OTOF: variants seen among roughly 807,000 people sequenced by gnomAD.
OTOF encodes otoferlin.
In OTOF, 218 loss-of-function variants were observed where a neutral mutation model predicts 236.8. The ratio of observed to expected loss-of-function variants is 0.92; its 90% CI spans 0.82 to 1.03. The LOEUF (loss-of-function observed/expected upper bound fraction) is 1.03, where lower values mean the gene tolerates loss of function less well. Among genes scored for constraint, OTOF ranks in the 50% least tolerant of loss-of-function variants. The probability of loss-of-function intolerance (pLI) is 0.00; values close to 1 mark genes in which losing one functional copy is unlikely to be tolerated. For synonymous variants in OTOF, 1,041 were observed against 1,072.5 expected, an observed-to-expected ratio of 0.97 and a Z score of 0.57; for missense variants, 2,590 against 2,694.4, an observed-to-expected ratio of 0.96 and a Z score of 0.86.
In OTOF at chr2:26,480,821, C is replaced by T. The variant is rs766690345; in HGVS notation, c.1768G>A (p.Glu590Lys). ...TSNPELTSST[E>K]VQVEQATPIS... The stretch of plus-strand genomic sequence containing the variant: ...GGCGTGGCCTGCTCCACCTGCACCT[C>T]TGTGGAGCTGGTGAGCTCAGGGTTG... Residue 590 changes from glutamate (E) to lysine (K), a missense_variant, in exon 15 of 47, where the codon GAG becomes AAG. Physicochemically the swap from Glu to Lys is moderately conservative, Grantham distance 56. Around this residue, in one of 2 missense-constraint regions of OTOF, gnomAD observed 1,379 missense variants for 1,341.6 expected, o/e 1.03. Coordinates refer to ENST00000272371, the MANE Select transcript of OTOF (RefSeq NM_194248.3). 6.2e-7 allele frequency: 1 copy of T among 1,612,790 alleles called. No homozygotes were observed. Among genetic ancestry groups the T allele is most frequent in the South Asian group, 1.1e-5 (1 of 91,070 alleles).
Position 26,484,465 on chromosome 2 carries a change from G to A in OTOF, c.1205+9C>T. On this transcript the variant is annotated intron_variant, in intron 12 of 46. Transcript: ENST00000272371. ...TCAGACTCCAGGGGCTGGGGTAGCTGGGCCTCACCCCTCAATGTCATCTTC... is the reference window on the plus strand; with the variant it reads ...TCAGACTCCAGGGGCTGGGGTAGCTAGGCCTCACCCCTCAATGTCATCTTC... 1 of 1,613,828 alleles carries A rather than the reference G, an allele frequency of 6.2e-7. No individual in the cohort carries two copies. The highest frequency in any genetic ancestry group is 1.1e-5 in the South Asian group (1 of 91,066).
intron 8 of OTOF, among the ~76,000 whole-genome samples, chr2:26,495,580 C>T (rs1665962258): frequency 6.6e-6 from 1 of 152,142 alleles, no homozygotes. Flanking sequence ...CATGCACTAC[C>T]ACACCGGGCT....
chr2:26,527,735 G>T, intron 3 of OTOF, 97 bp downstream of exon 3: 1 of 884,588 alleles, frequency 1.1e-6, no homozygotes. Flanking sequence ...GGGAGTGTAG[G>T]TCCCCTTTTT....
At chr2:26,525,885 G>C (rs937149726) in intron 3 of OTOF, among the ~76,000 whole-genome samples, 1 of 152,018 alleles carries the variant, frequency 6.6e-6, no homozygotes, top group African/African-American at 2.4e-5. Flanking sequence ...TCAGGAGTTC[G>C]ATACCAACCT....
chr2:26,510,601 T>G, intron 5 of OTOF: 1 of 693,188 alleles, frequency 1.4e-6, no homozygotes, highest in Non-Finnish European at 2.2e-6. Flanking sequence ...AGCCCACTCC[T>G]GAGCCCTCTC....
At chr2:26,502,205 C>T (rs1199661777) in intron 7 of OTOF, 95 bp downstream of exon 7, 2 of 1,364,192 alleles carry the variant, frequency 1.5e-6, no homozygotes, top group South Asian at 1.2e-5. Context: ...GTCCATGAGC[C>T]CTGATTCTTC....
At position 26,480,990 on chromosome 2, in the gene OTOF, G is replaced by A. The variant is rs572088556; in HGVS notation, c.1599C>T (p.Gly533=). 2 of 1,612,908 alleles carry A rather than the reference G, an allele frequency of 1.2e-6. No individual in the cohort carries two copies. Among genetic ancestry groups the A allele is most frequent in the Admixed American group, 1.7e-5 (1 of 60,018 alleles). Residue 533 remains glycine (G), a synonymous_variant, in exon 15 of 47, where the codon GGC becomes GGT. Coordinates refer to ENST00000272371, the MANE Select transcript of OTOF (RefSeq NM_194248.3). ...AGCCGTACATGTTCACCCAGGCTGG[G>A]CCCAGTGTGGGCAGGAAGCCTGTGG... ...DGDKGFLPTL[G]PAWVNMYGST... is the part of the protein sequence containing the mutation.
chr2:26,555,374 C>T (rs1160612984), intron 1 of OTOF, among the ~76,000 whole-genome samples: 1 of 152,220 alleles, frequency 6.6e-6, no homozygotes, highest in Non-Finnish European at 1.5e-5. Flanking sequence ...ATTGTGACTC[C>T]TGGAGGGCCA....
intron 11 of OTOF, among the ~76,000 whole-genome samples, chr2:26,488,128 C>G (rs780938028): frequency 1.1e-4 from 16 of 152,306 alleles, no homozygotes; most frequent in Admixed American, 2.0e-4. Context: ...GTAATGTGCA[C>G]CAGCTGGACG....
chr2:26,540,316 G>A (rs549521989), intron 1 of OTOF, among the ~76,000 whole-genome samples: 3 of 152,212 alleles, frequency 2.0e-5, no homozygotes, highest in Non-Finnish European at 2.9e-5. Context: ...CCTATTTGGG[G>A]GTGAGTTTGG....
intron 1 of OTOF, among the ~76,000 whole-genome samples, chr2:26,557,818 CG>C (rs138617455): frequency 0.012 from 1,773 of 151,744 alleles, 44 homozygotes; most frequent in African/African-American, 0.041. Context: ...GCTTGTTCCA[CG>C]CCTGCCCAAC....
At chr2:26,502,498 G>C in intron 6 of OTOF, 72 bp from the exon 7 acceptor site, 1 of 1,495,814 alleles carries the variant, frequency 6.7e-7, no homozygotes, top group Non-Finnish European at 9.1e-7. Flanking sequence ...CTTTTACTCT[G>C]GCATCCAGAA....
rs1225604352 is a variant in OTOF at position 26,483,592 on chromosome 2, A to G, written c.1262T>C (p.Val421Ala). ...PPERQWARFY[V>A]KIYRAEGLPR... ...CAGCCCCTCTGCTCGGTAAATTTTCACATAGAACCGGGCCCACTGGCGTTC... is the reference window on the plus strand; with the variant it reads ...CAGCCCCTCTGCTCGGTAAATTTTCGCATAGAACCGGGCCCACTGGCGTTC... Residue 421 changes from valine to alanine, a missense_variant, in exon 13 of 47, where the codon GTG becomes GCG. This residue lies in a region of OTOF where 1,379 missense variants were observed against 1,341.6 expected (regional missense o/e 1.03). Coordinates refer to ENST00000272371, the MANE Select transcript of OTOF (RefSeq NM_194248.3). 1.4e-5 allele frequency: 23 copies of G among 1,613,566 alleles called. No homozygotes were observed. The East Asian group carries it at 4.9e-4, about 34-fold the overall frequency.
At chr2:26,547,531 T>C (rs933912252) in intron 1 of OTOF, among the ~76,000 whole-genome samples, 7 of 152,188 alleles carry the variant, frequency 4.6e-5, no homozygotes, top group African/African-American at 1.7e-4. Context: ...TGTTATTACG[T>C]TTTCCTTTCA....
intron 39 of OTOF, 148 bp downstream of exon 39, chr2:26,464,721 G>T: frequency 1.4e-6 from 1 of 717,980 alleles, no homozygotes. Context: ...CGGGGCTCTG[G>T]GGTGATGAGC....
intron 1 of OTOF, among the ~76,000 whole-genome samples, chr2:26,555,542 C>T (rs139032022): frequency 2.0e-4 from 30 of 152,238 alleles, no homozygotes; most frequent in African/African-American, 7.2e-4. Flanking sequence ...GAGGGGCCGA[C>T]TGGCCTGAGG....
At chr2:26,552,373 G>GA (rs1330165200) in intron 1 of OTOF, among the ~76,000 whole-genome samples, 1 of 152,050 alleles carries the variant, frequency 6.6e-6, no homozygotes, top group African/African-American at 2.4e-5. Context: ...GTGGGCGACA[G>GA]AAAAAAGAAA....
chr2:26,528,728 C>T (rs1377573967), intron 2 of OTOF, among the ~76,000 whole-genome samples: 1 of 152,230 alleles, frequency 6.6e-6, no homozygotes, highest in Non-Finnish European at 1.5e-5. Flanking sequence ...AGGGCTTCCT[C>T]AAAGGCCCTG....
chr2:26,554,482 G>C (rs566049378), intron 1 of OTOF, among the ~76,000 whole-genome samples: 1 of 149,276 alleles, frequency 6.7e-6, no homozygotes, highest in South Asian at 2.1e-4. Context: ...CAGAGGTGTG[G>C]CCAGTTTCTG....
Sources: gnomAD v4.1 joint callset for allele counts (sites outside exome capture counted in the v4.1 genomes callset) on GRCh38, gnomAD v4.1.1 for gene constraint, gnomAD v4.1.1 regional missense constraint, MANE v1.5 for transcripts, NCBI Gene and HGNC (gene_info 2026-07-23, HGNC 2026-07-21) for gene names.